Variants in DIP2C observed in about 807,000 individuals in gnomAD.
DIP2C encodes the protein DIP2 acetate--CoA ligase C (putative).
A neutral mutation model predicts 192.4 loss-of-function variants in DIP2C; 33 were observed. The ratio of observed to expected loss-of-function variants is 0.17; its 90% CI spans 0.13 to 0.23. The LOEUF is 0.23. DIP2C is among the 10% of genes least tolerant of loss of function. The pLI, the probability that DIP2C is intolerant of heterozygous loss-of-function variation, is 1.00. For synonymous variants in DIP2C, 979 were observed against 864.1 expected, an observed-to-expected ratio of 1.13 and a Z score of -2.33; for missense variants, 1,537 against 2,110.1, an observed-to-expected ratio of 0.73 and a Z score of 5.32.
At chr10:487,374 C>T (rs1391075704) in intron 1 of DIP2C, among the ~76,000 whole-genome samples, 1 of 152,114 alleles carries the variant, frequency 6.6e-6, no homozygotes, top group Admixed American at 6.5e-5. Flanking sequence ...AAGGTACACA[C>T]ACAAGCTGGT....
intron 36 of DIP2C, among the ~76,000 whole-genome samples, 169 bp from the exon 37 acceptor site, chr10:277,746 A>T (rs1412335219): frequency 1.3e-5 from 2 of 151,086 alleles, no homozygotes; most frequent in Non-Finnish European, 2.9e-5. Context: ...TTCCCCATAC[A>T]GACTTCCTGG....
chr10:592,612 G>A (rs936721948), intron 1 of DIP2C, among the ~76,000 whole-genome samples: 1 of 152,030 alleles, frequency 6.6e-6, no homozygotes. Context: ...TGAATTCCTG[G>A]GATTCAGAAA....
At chr10:550,330 T>C (rs1848520430) in intron 1 of DIP2C, among the ~76,000 whole-genome samples, 1 of 152,110 alleles carries the variant, frequency 6.6e-6, no homozygotes, top group Admixed American at 6.5e-5. Flanking sequence ...TTTAAATTTG[T>C]CTAAAATTAA....
At chr10:283,780 T>C (rs1954959670) in intron 34 of DIP2C, among the ~76,000 whole-genome samples, 4 of 152,190 alleles carry the variant, frequency 2.6e-5, no homozygotes, top group Admixed American at 1.3e-4. Context: ...CCTTACACTT[T>C]AACGAATGAT....
At position 277,494 on chromosome 10, in the gene DIP2C, A is replaced by C. The variant is rs1423215541; in HGVS notation, c.4502T>G (p.Leu1501Trp). 6.2e-7 allele frequency: 1 copy of C among 1,614,106 alleles called. No homozygotes were observed. Among genetic ancestry groups the C allele is most frequent in the Non-Finnish European group, 8.5e-7 (1 of 1,180,048 alleles). ...SEQEALDLVP[L>W]VTNVVLEEHY... The stretch of plus-strand genomic sequence containing the variant: ...CTCCTCCAGGACCACGTTGGTCACC[A>C]AGGGAACCAGGTCCAAGGCTTCTTG... The change falls in exon 37 of 37, where the codon TTG (leucine) becomes TGG (tryptophan). Residue 1501 changes from leucine to tryptophan, a missense_variant. Transcript: ENST00000280886.
At chr10:517,125 C>T (rs1403750496) in intron 1 of DIP2C, among the ~76,000 whole-genome samples, 1 of 151,974 alleles carries the variant, frequency 6.6e-6, no homozygotes, top group Non-Finnish European at 1.5e-5. Flanking sequence ...TCCATCCCAC[C>T]AGCCTGCATG....
In DIP2C at chr10:345,048, C is replaced by T; in HGVS notation, c.3294G>A (p.Glu1098=). Reference sequence around the variant, plus strand: ...TCCTGACGTCCACAGCCGCCGCCGCCTCCCTGGACCGCAGCAACTTACAGA... The same window carrying T: ...TCCTGACGTCCACAGCCGCCGCCGCTTCCCTGGACCGCAGCAACTTACAGA... ...QLICKLLRSR[E]AAAAVDVRTW... The change falls in exon 27 of 37, where the codon GAG becomes GAA. Residue 1098 remains glutamate, a synonymous_variant. Transcript: ENST00000280886. 1.2e-6 allele frequency: 2 copies of T among 1,613,804 alleles called. No individual in the cohort carries two copies. The highest frequency in any genetic ancestry group is 3.3e-4 in the Middle Eastern group (2 of 6,016).
At chr10:384,412 A>C in intron 15 of DIP2C, 134 bp downstream of exon 15, 1 of 934,370 alleles carries the variant, frequency 1.1e-6, no homozygotes, top group South Asian at 1.6e-5. Flanking sequence ...TAATTTTTGT[A>C]TTATTAGTAG....
intron 1 of DIP2C, among the ~76,000 whole-genome samples, chr10:670,829 A>C (rs1588736914): frequency 6.6e-6 from 1 of 152,222 alleles, no homozygotes; most frequent in African/African-American, 2.4e-5. Context: ...AATATTCTTC[A>C]TGGAATTTTG....
intron 8 of DIP2C, 31 bp downstream of exon 8, chr10:413,882 G>T (rs893878354): frequency 1.9e-6 from 3 of 1,601,878 alleles, no homozygotes; most frequent in Non-Finnish European, 2.6e-6. Flanking sequence ...GAGGGGGTGG[G>T]CAAAGGGCAG....
chr10:553,318 C>T (rs554549575), intron 1 of DIP2C, among the ~76,000 whole-genome samples: 1 of 152,180 alleles, frequency 6.6e-6, no homozygotes, highest in African/African-American at 2.4e-5. Context: ...AGCAGGGCTG[C>T]GTGTGTGGCG....
At chr10:326,387 T>C (rs538789827) in intron 31 of DIP2C, among the ~76,000 whole-genome samples, 3 of 151,894 alleles carry the variant, frequency 2.0e-5, no homozygotes, top group Admixed American at 2.0e-4. Context: ...ACAAGTAGGA[T>C]AGGGGGTGGG....
At chr10:598,887 C>G (rs560244039) in intron 1 of DIP2C, among the ~76,000 whole-genome samples, 1 of 152,314 alleles carries the variant, frequency 6.6e-6, no homozygotes, top group African/African-American at 2.4e-5. Context: ...CAGAATAGAG[C>G]CATGTGAATA....
chr10:473,031 T>C (rs986351708), intron 2 of DIP2C, among the ~76,000 whole-genome samples: 18 of 151,958 alleles, frequency 1.2e-4, no homozygotes, highest in Middle Eastern at 6.8e-3. Flanking sequence ...GGACATACCA[T>C]GAACGTCCAG....
intron 24 of DIP2C, among the ~76,000 whole-genome samples, chr10:350,632 ATTTTTTTTTTTTT>A (rs56171130): frequency 7.5e-4 from 63 of 84,228 alleles, no homozygotes; most frequent in African/African-American, 2.7e-3. Context: ...GGGCTCAGGA[ATTTTTTTTTTTTT>A]TTTTTTTTTT....
At chr10:507,128 G>A (rs1303952930) in intron 1 of DIP2C, among the ~76,000 whole-genome samples, 1 of 151,706 alleles carries the variant, frequency 6.6e-6, no homozygotes, top group Admixed American at 6.6e-5. Context: ...TAGGGACCTG[G>A]TCACCCACTG....
intron 1 of DIP2C, among the ~76,000 whole-genome samples, chr10:618,913 G>T (rs1315454709): frequency 6.6e-6 from 1 of 152,196 alleles, no homozygotes; most frequent in Admixed American, 6.5e-5. Flanking sequence ...AACAAAACCT[G>T]AAAGGACAGG....
At chr10:416,039 T>A in intron 6 of DIP2C, 151 bp from the exon 7 acceptor site, 3 of 1,179,058 alleles carry the variant, frequency 2.5e-6, no homozygotes, top group Non-Finnish European at 3.6e-6. Context: ...GTGATCATGC[T>A]GTACGGTAGC....
intron 19 of DIP2C, 70 bp from the exon 20 acceptor site, chr10:364,652 T>C: frequency 6.6e-7 from 1 of 1,517,206 alleles, no homozygotes; most frequent in Non-Finnish European, 9.0e-7. Flanking sequence ...CCGCTACTCC[T>C]GGGAGCACGG....
Sources: allele counts gnomAD v4.1 joint callset (sites outside exome capture counted in the v4.1 genomes callset), GRCh38; gene constraint gnomAD v4.1.1; transcripts MANE v1.5; gene names NCBI Gene and HGNC (gene_info 2026-07-23, HGNC 2026-07-21).